The following FBXO25 variants were observed in gnomAD, a reference collection of about 807,000 sequenced individuals.
The protein encoded by FBXO25 is F-box protein 25.
A neutral mutation model predicts 51.9 loss-of-function variants in FBXO25; 45 were observed. That is an observed-to-expected ratio of 0.87 (90% CI 0.68 to 1.11). The LOEUF (loss-of-function observed/expected upper bound fraction) is 1.11. Ranked by LOEUF, FBXO25 falls within the 50% of genes most tolerant of loss-of-function variation. The pLI is 0.00. For synonymous variants in FBXO25, 199 were observed against 151.0 expected (o/e 1.32, Z -2.33); for missense variants, 507 against 428.5 (o/e 1.18, Z -1.62).
chr8:425,107 T>C (rs2117548221), intron 2 of FBXO25, among the ~76,000 whole-genome samples: 1 of 152,254 alleles, frequency 6.6e-6, no homozygotes, highest in South Asian at 2.1e-4. Flanking sequence ...AATAGAACTT[T>C]ATCAATCATC....
At chr8:433,362 C>G (rs1195052027) in intron 4 of FBXO25, among the ~76,000 whole-genome samples, 2 of 152,160 alleles carry the variant, frequency 1.3e-5, no homozygotes, top group Non-Finnish European at 2.9e-5. Context: ...CAAGCATGGA[C>G]TCCTGCAGTC....
chr8:436,572 C>T (rs538695578), intron 5 of FBXO25, among the ~76,000 whole-genome samples: 221 of 152,222 alleles, frequency 1.5e-3, no homozygotes, highest in African/African-American at 4.9e-3. Context: ...TCACTGAAGC[C>T]CAGCCACCAC....
intron 5 of FBXO25, among the ~76,000 whole-genome samples, chr8:439,205 G>A (rs1239484785): frequency 6.6e-6 from 1 of 152,114 alleles, no homozygotes; most frequent in Non-Finnish European, 1.5e-5. Flanking sequence ...TGGAGTCCTG[G>A]GCTTGCTTAT....
intron 2 of FBXO25, among the ~76,000 whole-genome samples, chr8:422,892 A>T (rs1332967669): frequency 6.6e-6 from 1 of 152,110 alleles, no homozygotes; most frequent in South Asian, 2.1e-4. Flanking sequence ...GTGTTACGGG[A>T]GGTACACAGG....
intron 7 of FBXO25, among the ~76,000 whole-genome samples, chr8:457,394 T>G (rs1241696172): frequency 6.6e-6 from 1 of 152,200 alleles, no homozygotes; most frequent in Non-Finnish European, 1.5e-5. Flanking sequence ...GCCCACTTCT[T>G]GGGGCCAAGG....
At chr8:449,860 C>T (rs112632204) in intron 5 of FBXO25, 130 bp from the exon 6 acceptor site, 7 of 675,108 alleles carry the variant, frequency 1.0e-5, no homozygotes, top group Admixed American at 5.3e-5. Flanking sequence ...TACTTGGACT[C>T]GGACTGATAC....
chr8:462,284 G>C (rs1799865275), intron 8 of FBXO25, among the ~76,000 whole-genome samples: 1 of 152,194 alleles, frequency 6.6e-6, no homozygotes, highest in Non-Finnish European at 1.5e-5. Context: ...GACTTATTTA[G>C]ATAAATGTCT....
intron 7 of FBXO25, 150 bp downstream of exon 7, chr8:451,603 A>G: frequency 1.2e-6 from 1 of 800,960 alleles, no homozygotes; most frequent in East Asian, 2.8e-5. Context: ...AAAATAGAAA[A>G]GGACCAAAGA....
intron 1 of FBXO25, among the ~76,000 whole-genome samples, chr8:411,339 C>T (rs56169924): frequency 0.096 from 14,545 of 152,240 alleles, 834 homozygotes; most frequent in African/African-American, 0.15. Flanking sequence ...CTTCCTACTT[C>T]TCCCTCTACC....
chr8:417,663 C>CACCATGTTCTCCT (rs1796891626), intron 2 of FBXO25, among the ~76,000 whole-genome samples: 1 of 152,200 alleles, frequency 6.6e-6, no homozygotes, highest in Admixed American at 6.5e-5. Context: ...GAGGTGGTGT[C>CACCATGTTCTCCT]ACCATGTTCT....
At chr8:454,246 A>C (rs1195756394) in intron 7 of FBXO25, among the ~76,000 whole-genome samples, 6 of 152,214 alleles carry the variant, frequency 3.9e-5, no homozygotes, top group Non-Finnish European at 7.3e-5. Context: ...TTTTCTTGTG[A>C]AACAAATATA....
At position 459,749 on chromosome 8, in the gene FBXO25, G is replaced by T. The variant is rs571910944; in HGVS notation, c.843+1198G>T. Among the ~76,000 whole-genome samples, 41 of 152,278 alleles carry T rather than the reference G, an allele frequency of 2.7e-4. 2 individuals are homozygous for T. The South Asian group carries it at 8.3e-3, about 31-fold the overall frequency. On this transcript the variant is annotated intron_variant, in intron 8 of 9. Coordinates refer to ENST00000350302, the MANE Select transcript of FBXO25 (RefSeq NM_183420.2). ...GGCCTAGACAGATGCATATGGAGAG[G>T]ACAGGAGGCAACGGGATCAGCCTGG...
chr8:454,567 G>C (rs943836912), intron 7 of FBXO25, among the ~76,000 whole-genome samples: 1 of 152,162 alleles, frequency 6.6e-6, no homozygotes, highest in African/African-American at 2.4e-5. Context: ...ACATTACATT[G>C]GTTCACAAGT....
At chr8:441,335 C>A (rs963787869) in intron 5 of FBXO25, among the ~76,000 whole-genome samples, 4 of 152,130 alleles carry the variant, frequency 2.6e-5, no homozygotes, top group Admixed American at 6.5e-5. Flanking sequence ...GAAACTGGAC[C>A]GCTTCCTTAC....
chr8:459,927 T>TG (rs1799698864), intron 8 of FBXO25, among the ~76,000 whole-genome samples: 1 of 152,034 alleles, frequency 6.6e-6, no homozygotes, highest in African/African-American at 2.4e-5. Context: ...ATGGATGCCT[T>TG]GGGGAAAACT....
intron 5 of FBXO25, among the ~76,000 whole-genome samples, chr8:440,030 A>G (rs369719761): frequency 6.6e-6 from 1 of 152,232 alleles, no homozygotes; most frequent in South Asian, 2.1e-4. Context: ...TAATAGCAGC[A>G]GCCTCACAGC....
At chr8:457,353 C>A (rs1160600523) in intron 7 of FBXO25, among the ~76,000 whole-genome samples, 1 of 152,212 alleles carries the variant, frequency 6.6e-6, no homozygotes, top group Admixed American at 6.5e-5. Context: ...AGGTCAACCT[C>A]AGAGCAGAGT....
chr8:451,647 G>C (rs571377411), intron 7 of FBXO25, among the ~76,000 whole-genome samples, 194 bp downstream of exon 7: 4 of 152,342 alleles, frequency 2.6e-5, no homozygotes, highest in African/African-American at 9.6e-5. Context: ...TGGAAAGACA[G>C]TGGGAATAGC....
chr8:407,322 C>G (rs1244943574), intron 1 of FBXO25: 1 of 968,956 alleles, frequency 1.0e-6, no homozygotes, highest in African/African-American at 1.8e-5. Flanking sequence ...GTCGCGGGCG[C>G]GTCAGGTGGG....
Sources: allele counts gnomAD v4.1 joint callset (sites outside exome capture counted in the v4.1 genomes callset), GRCh38; gene constraint gnomAD v4.1.1; transcripts MANE v1.5; gene names NCBI Gene and HGNC (gene_info 2026-07-23, HGNC 2026-07-21).